INAFM2: variants seen among roughly 807,000 people sequenced by gnomAD.
The protein encoded by INAFM2 is InaF motif containing 2.
A neutral mutation model predicts 5.6 loss-of-function variants in INAFM2; 3 were observed. The ratio of observed to expected loss-of-function variants is 0.54; its 90% CI spans 0.24 to 1.39. The LOEUF is 1.39. Ranked by LOEUF, INAFM2 falls within the 40% of genes most tolerant of loss-of-function variation. The pLI, the probability that INAFM2 is intolerant of heterozygous loss-of-function variation, is 0.16. For missense variants in INAFM2, 186 were observed against 217.5 expected, an observed-to-expected ratio of 0.86 and a Z score of 0.91; for synonymous variants, 113 against 109.1, an observed-to-expected ratio of 1.04 and a Z score of -0.22.
chr15:40,325,331 CTCT>C lies in INAFM2; in HGVS notation c.*819_*821del, dbSNP rs1276856407. 6.6e-6 allele frequency: 1 copy of C among 152,222 alleles called. No individual in the cohort carries two copies. The highest frequency in any genetic ancestry group is 6.5e-5 in the Admixed American group (1 of 15,284). The allele number at this position is 152,222 out of a possible 1,614,324, so 9.4% of individuals were successfully genotyped here. ...GGAGGGTGGGGAATGTACTCATCCC[CTCT>C]TCTTTCCATCCTAGTGCCCCCACCA... On this transcript the variant is annotated 3_prime_UTR_variant, in exon 1 of 1. Coordinates refer to ENST00000638170, the MANE Select transcript of INAFM2 (RefSeq NM_001301268.2).
rs1387486445 is a variant in INAFM2, at chr15:40,325,427, T to G, written c.*910T>G. ...AGGGAGGAAGGAAGGGAAAGAGCAATGCTGCTGTGCTTCAATCCTGGCCTT... is the reference window on the plus strand; with the variant it reads ...AGGGAGGAAGGAAGGGAAAGAGCAAGGCTGCTGTGCTTCAATCCTGGCCTT... On this transcript the variant is annotated 3_prime_UTR_variant, in exon 1 of 1. Transcript: ENST00000638170. 6.6e-6 allele frequency: 1 copy of G among 152,112 alleles called. No individual in the cohort carries two copies. The highest frequency in any genetic ancestry group is 1.5e-5 in the Non-Finnish European group (1 of 68,008). The allele number at this position is 152,112 out of a possible 1,614,324, so 9.4% of individuals were successfully genotyped here.
In INAFM2 at chr15:40,324,499, G is replaced by A; in HGVS notation, c.444G>A (p.Ala148=). 4 of 1,226,814 alleles carry A rather than the reference G, an allele frequency of 3.3e-6. No homozygotes were observed. In the Admixed American group the frequency reaches 1.3e-4, roughly 39 times the overall value. 76.0% of individuals were successfully genotyped at this position (1,226,814 alleles called of 1,614,324 possible). ...GPDEDEEETA[A]APGSR ...ACGAGGACGAAGAGGAAACGGCGGCGGCGCCCGGGAGTCGTTGAAGCCCTC... is the reference window on the plus strand; with the variant it reads ...ACGAGGACGAAGAGGAAACGGCGGCAGCGCCCGGGAGTCGTTGAAGCCCTC... Residue 148 remains alanine, a synonymous_variant, in exon 1 of 1, where the codon GCG becomes GCA. Transcript: ENST00000638170.
chr15:40,324,513 G>A lies in INAFM2; in HGVS notation c.458G>A (p.Arg153His). The A allele has an allele frequency of 1.6e-6, 2 of 1,226,782 alleles. No homozygotes were observed. Among genetic ancestry groups the A allele is most frequent in the Non-Finnish European group, 2.0e-6 (2 of 984,704 alleles). The allele number at this position is 1,226,782 out of a possible 1,614,324, so 76.0% of individuals were successfully genotyped here. ...EEETAAAPGS[R>H] is the part of the protein sequence containing the mutation. The stretch of plus-strand genomic sequence containing the variant: ...GAAACGGCGGCGGCGCCCGGGAGTC[G>A]TTGAAGCCCTCCGCGCTGGGGGCCG... The change falls in exon 1 of 1, where the codon CGT (arginine) becomes CAT (histidine). Residue 153 changes from arginine to histidine, a missense_variant. By Grantham distance (29) the Arg-to-His change is conservative. Transcript: ENST00000638170.
Position 40,324,281 on chromosome 15 carries a change from C to T in INAFM2, c.226C>T (p.Pro76Ser). The T allele has an allele frequency of 8.1e-7, 1 of 1,228,306 alleles. No homozygotes were observed. The highest frequency in any genetic ancestry group is 4.2e-5 in the Admixed American group (1 of 23,568). 76.1% of individuals were successfully genotyped at this position (1,228,306 alleles called of 1,614,324 possible). The change falls in exon 1 of 1, where the codon CCC becomes TCC. Residue 76 changes from proline to serine, a missense_variant. This residue lies in a region of INAFM2 where 148 missense variants were observed against 140.2 expected (regional missense o/e 1.06). Transcript: ENST00000638170. ...GACCTCGGGGGGAGCCGCTGGCCCG[C>T]CCCCCGGCGGCTCCAACGCCACTGG... is the stretch of plus-strand genomic sequence containing the variant. ...AGTSGGAAGP[P>S]PGGSNATGPS...
At position 40,324,766 on chromosome 15, in the gene INAFM2, AG is replaced by A; in HGVS notation, c.*254del. The A allele has an allele frequency of 5.7e-6, 1 of 175,516 alleles. No homozygotes were observed. Among genetic ancestry groups the A allele is most frequent in the Non-Finnish European group, 1.2e-5 (1 of 83,096 alleles). The allele number at this position is 175,516 out of a possible 1,614,324, so 10.9% of individuals were successfully genotyped here. On this transcript the variant is annotated 3_prime_UTR_variant, in exon 1 of 1. Transcript: ENST00000638170. ...GTGCTGCACCAGGGCCCTGAGCCGT[AG>A]GGGGATGGGGGGAGGGGTGGGGAGA... is the stretch of plus-strand genomic sequence containing the variant.
At position 40,324,122 on chromosome 15, in the gene INAFM2, G is replaced by A. The variant is rs1888742960; in HGVS notation, c.67G>A (p.Ala23Thr). ...KPATYTGDKKAKMAAKTNKKW... is the reference protein window; with the variant it reads ...KPATYTGDKKTKMAAKTNKKW... ...GGCCACCTACACCGGGGACAAGAAGGCGAAGATGGCGGCCAAGACCAACAA... is the reference window on the plus strand; with the variant it reads ...GGCCACCTACACCGGGGACAAGAAGACGAAGATGGCGGCCAAGACCAACAA... The change falls in exon 1 of 1, where the codon GCG becomes ACG. Residue 23 changes from alanine to threonine, a missense_variant. Physicochemically the swap from Ala to Thr is moderately conservative, Grantham distance 58 (BLOSUM62 0). Transcript: ENST00000638170. 1 of 1,229,554 alleles carries A rather than the reference G, an allele frequency of 8.1e-7. No homozygotes were observed. The allele number at this position is 1,229,554 out of a possible 1,614,324, so 76.2% of individuals were successfully genotyped here.
rs568191040 is a variant in INAFM2, at chr15:40,324,779, G to A, written c.*262G>A. On this transcript the variant is annotated 3_prime_UTR_variant, in exon 1 of 1. Transcript: ENST00000638170. Reference sequence around the variant, plus strand: ...GCCCTGAGCCGTAGGGGGATGGGGGGAGGGGTGGGGAGATCCCGGCACCAA... The same window carrying A: ...GCCCTGAGCCGTAGGGGGATGGGGGAAGGGGTGGGGAGATCCCGGCACCAA... 430 of 295,894 alleles carry A rather than the reference G, an allele frequency of 1.5e-3. No individual in the cohort carries two copies. The highest frequency in any genetic ancestry group is 1.8e-3 in the Non-Finnish European group (288 of 160,916). 18.3% of individuals were successfully genotyped at this position (295,894 alleles called of 1,614,324 possible).
chr15:40,324,196 G>T lies in INAFM2; in HGVS notation c.141G>T (p.Ser47=). ...TGTTCGCCTACGTGCTCTCCGTGTC[G>T]CTGGCCGCCATCGTGCTCGCCGTCT... ...ATVFAYVLSV[S]LAAIVLAVYY... Residue 47 remains serine, a synonymous_variant, in exon 1 of 1, where the codon TCG becomes TCT. Transcript: ENST00000638170. 8.1e-7 allele frequency: 1 copy of T among 1,229,394 alleles called. No individual in the cohort carries two copies. Among genetic ancestry groups the T allele is most frequent in the Non-Finnish European group, 1.0e-6 (1 of 986,550 alleles). 76.2% of individuals were successfully genotyped at this position (1,229,394 alleles called of 1,614,324 possible).
At position 40,324,367 on chromosome 15, in the gene INAFM2, C is replaced by T; in HGVS notation, c.312C>T (p.Arg104=). Residue 104 remains arginine (R), a synonymous_variant, in exon 1 of 1, where the codon CGC becomes CGT. Transcript: ENST00000638170. The stretch of plus-strand genomic sequence containing the variant: ...CCAACACCACTGGGTCGTCCCGCCG[C>T]GAGGCGCCGCGCGACGTTCCCCCAC... ...AGPNTTGSSR[R]EAPRDVPPLQ... 3 of 1,222,218 alleles carry T rather than the reference C, an allele frequency of 2.5e-6. No homozygotes were observed. The highest frequency in any genetic ancestry group is 3.1e-6 in the Non-Finnish European group (3 of 981,858). 75.7% of individuals were successfully genotyped at this position (1,222,218 alleles called of 1,614,324 possible). A position where few individuals can be genotyped will look rare whatever the true frequency, so the allele number is the denominator to read the frequency against.
Position 40,324,324 on chromosome 15 carries a change from G to GGGCGGC in INAFM2, c.278_283dup (p.Ala93_Ala94dup). ...GCCACTGGCCCGTCTGGGACTTCGG[G>GGGCGGC]GGCGGCGGCGGCGGGGCCCAACACC... On this transcript the variant is annotated inframe_insertion, in exon 1 of 1. Transcript: ENST00000638170. 8.2e-7 allele frequency: 1 copy of GGGCGGC among 1,226,768 alleles called. No homozygotes were observed. The highest frequency in any genetic ancestry group is 4.3e-5 in the Admixed American group (1 of 23,516). 76.0% of individuals were successfully genotyped at this position (1,226,768 alleles called of 1,614,324 possible). A position where few individuals can be genotyped will look rare whatever the true frequency, so the allele number is the denominator to read the frequency against.
rs1595707756 is a variant in INAFM2, at chr15:40,324,256, G to A, written c.201G>A (p.Gly67=). The A allele has an allele frequency of 8.1e-7, 1 of 1,229,560 alleles. No individual in the cohort carries two copies. The highest frequency in any genetic ancestry group is 1.0e-6 in the Non-Finnish European group (1 of 986,696). The allele number at this position is 1,229,560 out of a possible 1,614,324, so 76.2% of individuals were successfully genotyped here. Residue 67 remains glycine, a synonymous_variant, in exon 1 of 1, where the codon GGG becomes GGA. Coordinates refer to ENST00000638170, the MANE Select transcript of INAFM2 (RefSeq NM_001301268.2). ...YSLIWQPVGA[G]TSGGAAGPPP... ...TCATCTGGCAGCCGGTGGGCGCCGG[G>A]ACCTCGGGGGGAGCCGCTGGCCCGC...
Position 40,324,054 on chromosome 15 carries a change from C to T in INAFM2, c.-2C>T. ...CACCGGGGCAAAGGCCGGGGCCCCCCCATGAAGGAGCGCGACGCGGCCCCG... is the reference window on the plus strand; with the variant it reads ...CACCGGGGCAAAGGCCGGGGCCCCCTCATGAAGGAGCGCGACGCGGCCCCG... On this transcript the variant is annotated 5_prime_UTR_variant, in exon 1 of 1. Transcript: ENST00000638170. 1 of 1,228,378 alleles carries T rather than the reference C, an allele frequency of 8.1e-7. No homozygotes were observed. Among genetic ancestry groups the T allele is most frequent in the Non-Finnish European group, 1.0e-6 (1 of 985,840 alleles). The allele number at this position is 1,228,378 out of a possible 1,614,324, so 76.1% of individuals were successfully genotyped here. A position where few individuals can be genotyped will look rare whatever the true frequency, so the allele number is the denominator to read the frequency against.
Position 40,324,079 on chromosome 15 carries a change from G to A in INAFM2, c.24G>A (p.Pro8=), listed in dbSNP as rs1888741725. 4.1e-6 allele frequency: 5 copies of A among 1,229,184 alleles called. No homozygotes were observed. Among genetic ancestry groups the A allele is most frequent in the African/African-American group, 1.6e-5 (1 of 64,238 alleles). 76.1% of individuals were successfully genotyped at this position (1,229,184 alleles called of 1,614,324 possible). The part of the protein sequence containing the change: MKERDAA[P]AERGKPATYT... ...CCATGAAGGAGCGCGACGCGGCCCC[G>A]GCCGAGCGGGGCAAGCCGGCCACCT... Residue 8 remains proline, a synonymous_variant, in exon 1 of 1, where the codon CCG becomes CCA. Transcript: ENST00000638170.
Position 40,326,224 on chromosome 15 carries a change from T to C in INAFM2, c.*1707T>C, listed in dbSNP as rs904335878. 2 of 152,262 alleles carry C rather than the reference T, an allele frequency of 1.3e-5. No homozygotes were observed. Among genetic ancestry groups the C allele is most frequent in the African/African-American group, 4.8e-5 (2 of 41,470 alleles). 9.4% of individuals were successfully genotyped at this position (152,262 alleles called of 1,614,324 possible). A position where few individuals can be genotyped will look rare whatever the true frequency, so the allele number is the denominator to read the frequency against. Reference sequence around the variant, plus strand: ...TAGAGCAGATTTCTTAGCAGCTGACTAGGACTTCAGTCATTGGGAAGCCTA... The same window carrying C: ...TAGAGCAGATTTCTTAGCAGCTGACCAGGACTTCAGTCATTGGGAAGCCTA... On this transcript the variant is annotated 3_prime_UTR_variant, in exon 1 of 1. Transcript: ENST00000638170.
In INAFM2 at chr15:40,324,467, G is replaced by A; in HGVS notation, c.412G>A (p.Gly138Arg). The stretch of plus-strand genomic sequence containing the variant: ...GGCCGGGCCGCTCGAGCGGCCTCGG[G>A]GGCCGGACGAGGACGAAGAGGAAAC... ...PPAGPLERPR[G>R]PDEDEEETAA... is the part of the protein sequence containing the mutation. The change falls in exon 1 of 1, where the codon GGG (glycine) becomes AGG (arginine). Residue 138 changes from glycine to arginine, a missense_variant. By Grantham distance (125) the Gly-to-Arg change is moderately radical (BLOSUM62 -2). Transcript: ENST00000638170. 1 of 1,227,912 alleles carries A rather than the reference G, an allele frequency of 8.1e-7. No homozygotes were observed. 76.1% of individuals were successfully genotyped at this position (1,227,912 alleles called of 1,614,324 possible).
rs1461748214 is a variant in INAFM2 at position 40,326,338 on chromosome 15, T to C, written c.*1821T>C. On this transcript the variant is annotated 3_prime_UTR_variant, in exon 1 of 1. Coordinates refer to ENST00000638170, the MANE Select transcript of INAFM2 (RefSeq NM_001301268.2). ...ATAATAGCCTGTAATTTATATTTAC[T>C]GTGTGAATTTTTAGTCCTATATTTT... The C allele has an allele frequency of 6.6e-6, 1 of 152,286 alleles. No homozygotes were observed. The highest frequency in any genetic ancestry group is 2.4e-5 in the African/African-American group (1 of 41,476). The allele number at this position is 152,286 out of a possible 1,614,324, so 9.4% of individuals were successfully genotyped here.
Position 40,324,005 on chromosome 15 carries a change from C to T in INAFM2, c.-51C>T, listed in dbSNP as rs983189388. 30 of 1,131,408 alleles carry T rather than the reference C, an allele frequency of 2.7e-5. No homozygotes were observed. Among genetic ancestry groups the T allele is most frequent in the African/African-American group, 1.6e-4 (10 of 62,028 alleles). The allele number at this position is 1,131,408 out of a possible 1,614,324, so 70.1% of individuals were successfully genotyped here. A position where few individuals can be genotyped will look rare whatever the true frequency, so the allele number is the denominator to read the frequency against. On this transcript the variant is annotated 5_prime_UTR_variant, in exon 1 of 1. Transcript: ENST00000638170. ...TGCCCAGTCCTTGCAGGCCGCCAGG[C>T]CCCCTCCAGCCGGGGCCGTGGAGCA... is the stretch of plus-strand genomic sequence containing the variant.
Position 40,324,141 on chromosome 15 carries a change from CCAA to C in INAFM2, c.90_92del (p.Asn30del). The C allele has an allele frequency of 8.1e-7, 1 of 1,229,570 alleles. No individual in the cohort carries two copies. Among genetic ancestry groups the C allele is most frequent in the Non-Finnish European group, 1.0e-6 (1 of 986,670 alleles). 76.2% of individuals were successfully genotyped at this position (1,229,570 alleles called of 1,614,324 possible). A position where few individuals can be genotyped will look rare whatever the true frequency, so the allele number is the denominator to read the frequency against. On this transcript the variant is annotated inframe_deletion, in exon 1 of 1. Coordinates refer to ENST00000638170, the MANE Select transcript of INAFM2 (RefSeq NM_001301268.2). ...AAGAAGGCGAAGATGGCGGCCAAGA[CCAA>C]CAAGAAGTGGGTCCGGCTCGCCACC...
At position 40,326,042 on chromosome 15, in the gene INAFM2, G is replaced by C. The variant is rs1348677742; in HGVS notation, c.*1525G>C. ...ACCCACCTGAGTCCTGAAACAGTTTGTCTCTCCAGTTTTCTGGCCTATACT... is the reference window on the plus strand; with the variant it reads ...ACCCACCTGAGTCCTGAAACAGTTTCTCTCTCCAGTTTTCTGGCCTATACT... On this transcript the variant is annotated 3_prime_UTR_variant, in exon 1 of 1. Transcript: ENST00000638170. The C allele has an allele frequency of 6.6e-6, 1 of 151,974 alleles. No homozygotes were observed. Among genetic ancestry groups the C allele is most frequent in the Non-Finnish European group, 1.5e-5 (1 of 68,012 alleles). 9.4% of individuals were successfully genotyped at this position (151,974 alleles called of 1,614,324 possible). A position where few individuals can be genotyped will look rare whatever the true frequency, so the allele number is the denominator to read the frequency against.
Sources: gnomAD v4.1 joint callset for allele counts on GRCh38, gnomAD v4.1.1 for gene constraint, gnomAD v4.1.1 regional missense constraint, MANE v1.5 for transcripts, NCBI Gene and HGNC (gene_info 2026-07-23, HGNC 2026-07-21) for gene names.